Variants in WWOX observed in about 807,000 individuals in gnomAD.
The protein encoded by WWOX is WW domain-containing oxidoreductase.
In WWOX, 69 loss-of-function variants were observed where a neutral mutation model predicts 46.2. The ratio of observed to expected loss-of-function variants is 1.49; its 90% confidence interval spans 1.23 to 1.82. WWOX has a LOEUF of 1.82. Ranked by LOEUF, WWOX falls within the 40% of genes most tolerant of loss-of-function variation. The probability of loss-of-function intolerance (pLI) is 0.00; values close to 1 mark genes in which losing one functional copy is unlikely to be tolerated. For synonymous variants in WWOX, 359 were observed against 202.6 expected (o/e 1.77, Z -6.56); for missense variants, 919 against 542.6 (o/e 1.69, Z -6.89).
At chr16:78,549,808 C>A (rs1405244330) in intron 8 of WWOX, among the ~76,000 whole-genome samples, 2 of 152,066 alleles carry the variant, frequency 1.3e-5, no homozygotes, top group Admixed American at 6.6e-5. Flanking sequence ...TATCCAAATA[C>A]CTGTAACAAA....
intron 5 of WWOX, among the ~76,000 whole-genome samples, chr16:78,285,900 G>T (rs1024295130): frequency 2.6e-4 from 39 of 152,126 alleles, no homozygotes; most frequent in Admixed American, 4.6e-4. Context: ...TGTAAAGCCA[G>T]CCTCTTTATT....
At chr16:78,794,023 C>G (rs1567564039) in intron 8 of WWOX, among the ~76,000 whole-genome samples, 2 of 152,172 alleles carry the variant, frequency 1.3e-5, no homozygotes, top group African/African-American at 2.4e-5. Context: ...TTACAGCAGG[C>G]TAGATTCAAA....
At chr16:78,707,867 A>G (rs1770718927) in intron 8 of WWOX, among the ~76,000 whole-genome samples, 1 of 151,436 alleles carries the variant, frequency 6.6e-6, no homozygotes, top group Non-Finnish European at 1.5e-5. Flanking sequence ...ATAAATAAAT[A>G]AATAAATAAA....
At chr16:78,582,027 G>C (rs1007268580) in intron 8 of WWOX, among the ~76,000 whole-genome samples, 12 of 152,168 alleles carry the variant, frequency 7.9e-5, no homozygotes, top group African/African-American at 2.9e-4. Context: ...TTGTAGACAA[G>C]GCAAAGATCA....
At chr16:78,326,138 C>A (rs1453181995) in intron 5 of WWOX, among the ~76,000 whole-genome samples, 2 of 152,152 alleles carry the variant, frequency 1.3e-5, no homozygotes, top group Non-Finnish European at 2.9e-5. Flanking sequence ...ACTTTGTACT[C>A]AACCATTAAA....
intron 8 of WWOX, among the ~76,000 whole-genome samples, chr16:79,110,373 A>C (rs753789349): frequency 2.6e-5 from 4 of 152,080 alleles, no homozygotes; most frequent in South Asian, 4.1e-4. Context: ...GAGGCCATCA[A>C]ATGTAGCTTG....
chr16:78,569,276 G>A (rs1393312826), intron 8 of WWOX, among the ~76,000 whole-genome samples: 3 of 152,138 alleles, frequency 2.0e-5, no homozygotes, highest in Non-Finnish European at 2.9e-5. Context: ...ACAAGTAGAT[G>A]CATTTTCATT....
intron 5 of WWOX, among the ~76,000 whole-genome samples, chr16:78,185,318 G>A (rs796847237): frequency 1.3e-5 from 2 of 152,224 alleles, no homozygotes; most frequent in African/African-American, 2.4e-5. Context: ...TAGAACAGGC[G>A]TCAAAGACCC....
intron 8 of WWOX, among the ~76,000 whole-genome samples, chr16:79,071,916 G>C (rs139755628): frequency 1.3e-5 from 2 of 152,298 alleles, no homozygotes; most frequent in African/African-American, 4.8e-5. Flanking sequence ...TGGTAGGGTG[G>C]CCAAACCTTG....
At chr16:78,698,726 A>G (rs925242348) in intron 8 of WWOX, among the ~76,000 whole-genome samples, 1 of 152,166 alleles carries the variant, frequency 6.6e-6, no homozygotes, top group Non-Finnish European at 1.5e-5. Flanking sequence ...CTGTAGTCCC[A>G]TCTACTAAGG....
At chr16:79,189,475 GTGTT>G (rs1326215064) in intron 8 of WWOX, among the ~76,000 whole-genome samples, 1 of 131,354 alleles carries the variant, frequency 7.6e-6, no homozygotes, top group African/African-American at 2.9e-5. Context: ...GTGTGTGTGT[GTGTT>G]TTGTAGAGAC....
In WWOX at chr16:78,824,904, C is replaced by G. The variant is rs117572396; in HGVS notation, c.1057-386704C>G. Among the ~76,000 whole-genome samples the G allele has an allele frequency of 5.4e-3, 818 of 152,246 alleles. 7 individuals carry two copies. Among genetic ancestry groups the G allele is most frequent in the Non-Finnish European group, 8.3e-3 (562 of 68,008 alleles). On this transcript the variant is annotated intron_variant, in intron 8 of 8. Transcript: ENST00000566780. Reference sequence around the variant, plus strand: ...ACAGAGAGGAAGCGACACACCTTTCCTTTGGGAGCAATTTTTGGGTTGCTT... The same window carrying G: ...ACAGAGAGGAAGCGACACACCTTTCGTTTGGGAGCAATTTTTGGGTTGCTT...
At chr16:78,256,346 C>T (rs1427746195) in intron 5 of WWOX, among the ~76,000 whole-genome samples, 3 of 151,944 alleles carry the variant, frequency 2.0e-5, no homozygotes, top group South Asian at 2.1e-4. Context: ...TCTAAACCTA[C>T]TGGCCTCTAC....
At chr16:78,202,161 A>C (rs1380479314) in intron 5 of WWOX, among the ~76,000 whole-genome samples, 1 of 152,174 alleles carries the variant, frequency 6.6e-6, no homozygotes, top group Non-Finnish European at 1.5e-5. Flanking sequence ...TACTCCCCAC[A>C]AACCTAGTTG....
rs1436073370 is a variant in WWOX at position 78,575,082 on chromosome 16, T to A, written c.1056+142330T>A. 4.4e-4 allele frequency among the ~76,000 whole-genome samples: 19 copies of A among 43,052 alleles called. 1 individual carries two copies. The highest frequency in any genetic ancestry group is 1.0e-3 in the South Asian group (1 of 960). 28.2% of individuals were successfully genotyped at this position (43,052 alleles called of 152,430 possible). A position where few individuals can be genotyped will look rare whatever the true frequency, so the allele number is the denominator to read the frequency against. Reference sequence around the variant, plus strand: ...ATATATATATATATATATATATATATATATATATATATATTTAAAGCTGTC... The same window carrying A: ...ATATATATATATATATATATATATAAATATATATATATATTTAAAGCTGTC... On this transcript the variant is annotated intron_variant, in intron 8 of 8. Coordinates refer to ENST00000566780, the MANE Select transcript of WWOX (RefSeq NM_016373.4).
intron 8 of WWOX, among the ~76,000 whole-genome samples, chr16:79,052,439 C>T (rs1204064063): frequency 1.3e-5 from 2 of 152,144 alleles, no homozygotes; most frequent in Non-Finnish European, 2.9e-5. Context: ...TGGGTGTATA[C>T]CCAAAGGACT....
chr16:78,775,511 G>A (rs1053036460), intron 8 of WWOX, among the ~76,000 whole-genome samples: 7 of 152,006 alleles, frequency 4.6e-5, no homozygotes, highest in East Asian at 3.9e-4. Flanking sequence ...AGCGCCCTCC[G>A]GGGGGTGGGG....
intron 8 of WWOX, among the ~76,000 whole-genome samples, chr16:78,455,349 A>T (rs2083788320): frequency 6.6e-6 from 1 of 152,104 alleles, no homozygotes; most frequent in South Asian, 2.1e-4. Flanking sequence ...CTAATATTTT[A>T]AAAAATCGAG....
Position 78,750,116 on chromosome 16 carries a change from A to G in WWOX, c.1056+317364A>G, listed in dbSNP as rs147294985. ...CTTTTTCACACCTTAAAAACAAGGA[A>G]GAAGAGAAATGAAAATAAAATAGTG... On this transcript the variant is annotated intron_variant, in intron 8 of 8. Coordinates refer to ENST00000566780, the MANE Select transcript of WWOX (RefSeq NM_016373.4). Among the ~76,000 whole-genome samples, 351 of 152,360 alleles carry G rather than the reference A, an allele frequency of 2.3e-3. 2 individuals are homozygous for G. Among genetic ancestry groups the G allele is most frequent in the African/African-American group, 7.9e-3 (330 of 41,580 alleles).
Sources: gnomAD v4.1 joint callset for allele counts (sites outside exome capture counted in the v4.1 genomes callset) on GRCh38, gnomAD v4.1.1 for gene constraint, MANE v1.5 for transcripts, NCBI Gene and HGNC (gene_info 2026-07-23, HGNC 2026-07-21) for gene names.